Variants in STIMATE observed in about 807,000 individuals in gnomAD.
STIMATE encodes store-operated calcium entry regulator STIMATE.
Under a neutral mutation model 36.7 loss-of-function variants are expected in STIMATE, and 15 were observed. The observed-to-expected ratio is 0.41, with a 90% confidence interval of 0.27 to 0.63. The LOEUF is 0.63. Among genes scored for constraint, STIMATE ranks in the 20% least tolerant of loss-of-function variants. The pLI, the probability that STIMATE is intolerant of heterozygous loss-of-function variation, is 0.32. For missense variants in STIMATE, 305 were observed against 397.3 expected (o/e 0.77, Z 1.98); for synonymous variants, 163 against 162.3 (o/e 1.00, Z -0.03).
intron 3 of STIMATE, among the ~76,000 whole-genome samples, chr3:52,852,303 G>A (rs1322892741): frequency 6.6e-6 from 1 of 152,182 alleles, no homozygotes; most frequent in African/African-American, 2.4e-5. Flanking sequence ...TGCCAGGGGC[G>A]GCTTGGAAAC....
At chr3:52,877,697 G>A (rs551794891) in intron 1 of STIMATE, among the ~76,000 whole-genome samples, 12 of 152,274 alleles carry the variant, frequency 7.9e-5, no homozygotes, top group Admixed American at 1.3e-4. Context: ...GTGACGTGGC[G>A]GCCAGTCAGC....
intron 1 of STIMATE, among the ~76,000 whole-genome samples, chr3:52,860,039 A>G (rs1410869005): frequency 7.4e-6 from 1 of 136,054 alleles, no homozygotes; most frequent in East Asian, 2.2e-4. Context: ...CCCTTTCCCT[A>G]GAACAGTCCA....
At chr3:52,888,912 C>G (rs1701736787) in intron 1 of STIMATE, among the ~76,000 whole-genome samples, 1 of 152,162 alleles carries the variant, frequency 6.6e-6, no homozygotes. Flanking sequence ...AAGAAAAACA[C>G]TGGTTGGGTA....
At chr3:52,848,510 T>C (rs958262899) in intron 4 of STIMATE, 5 of 152,240 alleles carry the variant, frequency 3.3e-5, no homozygotes, top group African/African-American at 1.2e-4. Flanking sequence ...GGATTCACCT[T>C]AGCACTGGTC....
intron 1 of STIMATE, chr3:52,895,859 G>A (rs1701856183): frequency 2.3e-6 from 3 of 1,282,102 alleles, no homozygotes; most frequent in African/African-American, 1.5e-5. Context: ...AAGTAGGAGG[G>A]GTATGAAGAT....
At chr3:52,840,696 T>C in intron 7 of STIMATE, 86 bp from the exon 8 acceptor site, 4 of 1,157,156 alleles carry the variant, frequency 3.5e-6, no homozygotes, top group Non-Finnish European at 4.7e-6. Flanking sequence ...CCTTCAAGTC[T>C]CATGTTTTTT....
At chr3:52,855,247 T>C in intron 2 of STIMATE, 149 bp downstream of exon 2, 2 of 1,086,790 alleles carry the variant, frequency 1.8e-6, no homozygotes, top group Middle Eastern at 2.8e-4. Flanking sequence ...TCCTAATGAA[T>C]TTAATTCAGG....
intron 1 of STIMATE, among the ~76,000 whole-genome samples, chr3:52,866,448 C>T (rs1224748104): frequency 6.6e-6 from 1 of 152,214 alleles, no homozygotes; most frequent in Non-Finnish European, 1.5e-5. Flanking sequence ...AGCCCAGAGC[C>T]CCTCCTTTTC....
chr3:52,879,373 T>C (rs1701564778), intron 1 of STIMATE, among the ~76,000 whole-genome samples: 1 of 152,156 alleles, frequency 6.6e-6, no homozygotes, highest in Admixed American at 6.5e-5. Flanking sequence ...AAAATACCTG[T>C]AGCCCTACTT....
intron 1 of STIMATE, among the ~76,000 whole-genome samples, chr3:52,891,809 T>G (rs1701787022): frequency 6.6e-6 from 1 of 152,230 alleles, no homozygotes; most frequent in South Asian, 2.1e-4. Flanking sequence ...GAAACATTTT[T>G]CAGCCCAACT....
intron 2 of STIMATE, among the ~76,000 whole-genome samples, chr3:52,854,944 A>T (rs577398348): frequency 6.6e-6 from 1 of 152,302 alleles, no homozygotes; most frequent in South Asian, 2.1e-4. Context: ...TGAGTAGAGA[A>T]ATAGTTTTCC....
rs766328446 is a variant in STIMATE, at chr3:52,843,841, G to A, written c.541-43C>T. ...CTCAGTGAGGTAGGGAGAGGCCACC[G>A]AGAGTGTGCCTGGGGTGGGTGGGTG... is the stretch of plus-strand genomic sequence containing the variant. On this transcript the variant is annotated intron_variant, in intron 5 of 7. Coordinates refer to ENST00000355083, the MANE Select transcript of STIMATE (RefSeq NM_198563.5). 6.6e-5 allele frequency: 105 copies of A among 1,595,634 alleles called. 3 individuals carry two copies. Among genetic ancestry groups the A allele is most frequent in the East Asian group, 5.4e-4 (24 of 44,462 alleles).
intron 3 of STIMATE, among the ~76,000 whole-genome samples, chr3:52,850,143 C>T (rs928824467): frequency 3.9e-5 from 6 of 152,196 alleles, no homozygotes; most frequent in African/African-American, 9.6e-5. Flanking sequence ...TTTAAAACTG[C>T]CAGTGCTGGC....
intron 3 of STIMATE, 118 bp from the exon 4 acceptor site, chr3:52,850,031 G>C: frequency 7.0e-7 from 1 of 1,429,290 alleles, no homozygotes; most frequent in Non-Finnish European, 9.2e-7. Flanking sequence ...GCCCATTCTG[G>C]GGGCTGGGAG....
At chr3:52,869,551 C>T (rs979943884) in intron 1 of STIMATE, among the ~76,000 whole-genome samples, 1 of 152,236 alleles carries the variant, frequency 6.6e-6, no homozygotes, top group African/African-American at 2.4e-5. Flanking sequence ...CTCCCTTCTC[C>T]TGGGTCCCCA....
chr3:52,867,475 G>A (rs1701330825), intron 1 of STIMATE, among the ~76,000 whole-genome samples: 1 of 152,222 alleles, frequency 6.6e-6, no homozygotes, highest in African/African-American at 2.4e-5. Context: ...TACGCCATAA[G>A]CCTGTATGCT....
intron 1 of STIMATE, among the ~76,000 whole-genome samples, chr3:52,859,529 A>AT (rs1701172992): frequency 4.7e-5 from 5 of 107,248 alleles, no homozygotes; most frequent in African/African-American, 1.0e-4. Context: ...AAAAAAAAAA[A>AT]AATTTTTTTT....
intron 1 of STIMATE, among the ~76,000 whole-genome samples, chr3:52,857,201 A>C (rs544531966): frequency 2.6e-5 from 4 of 152,372 alleles, no homozygotes; most frequent in African/African-American, 9.6e-5. Context: ...AATTGCAGTT[A>C]CAAGTCTGTT....
chr3:52,842,666 T>A, intron 7 of STIMATE, 145 bp downstream of exon 7: 1 of 1,492,136 alleles, frequency 6.7e-7, no homozygotes, highest in Non-Finnish European at 9.0e-7. Flanking sequence ...CCCTCGCTCA[T>A]CTCTGGCTCA....
Sources: gnomAD v4.1 joint callset for allele counts (sites outside exome capture counted in the v4.1 genomes callset) on GRCh38, gnomAD v4.1.1 for gene constraint, MANE v1.5 for transcripts, NCBI Gene and HGNC (gene_info 2026-07-23, HGNC 2026-07-21) for gene names.